PTPN23: variants seen among roughly 807,000 people sequenced by gnomAD.
PTPN23 encodes the protein tyrosine-protein phosphatase non-receptor type 23.
Under a neutral mutation model 156.3 loss-of-function variants are expected in PTPN23, and 72 were observed. The observed-to-expected ratio is 0.46, with a 90% confidence interval of 0.38 to 0.56. PTPN23 has a LOEUF of 0.56. PTPN23 is among the 20% of genes least tolerant of loss of function. The pLI, the probability that PTPN23 is intolerant of heterozygous loss-of-function variation, is 0.00. For missense variants in PTPN23, 1,974 were observed against 2,171.5 expected, an observed-to-expected ratio of 0.91 and a Z score of 1.81; for synonymous variants, 957 against 899.6, an observed-to-expected ratio of 1.06 and a Z score of -1.14.
chr3:47,408,944 A>C lies in PTPN23; in HGVS notation c.1499A>C (p.Lys500Thr), dbSNP rs1239830290. 1 of 1,614,238 alleles carries C rather than the reference A, an allele frequency of 6.2e-7. No homozygotes were observed. Among genetic ancestry groups the C allele is most frequent in the Admixed American group, 1.7e-5 (1 of 60,026 alleles). Residue 500 changes from lysine (K) to threonine (T), a missense_variant, in exon 16 of 25, where the codon AAG (lysine) becomes ACG (threonine). Coordinates refer to ENST00000265562, the MANE Select transcript of PTPN23 (RefSeq NM_015466.4). ...ELAEVRREWAKYMEVHEKASF... is the reference protein window; with the variant it reads ...ELAEVRREWATYMEVHEKASF... ...GCAGAGGTGAGGCGAGAATGGGCCA[A>C]GTACATGGAAGTCCATGAGAAGGCC...
chr3:47,397,602 A>G (rs1373873332), intron 2 of PTPN23, among the ~76,000 whole-genome samples: 1 of 152,168 alleles, frequency 6.6e-6, no homozygotes, highest in Admixed American at 6.5e-5. Context: ...ACTAGCAACT[A>G]TTGCCAGTAT....
In PTPN23 at chr3:47,396,183, A is replaced by G. The variant is rs773108627; in HGVS notation, c.125A>G (p.Asn42Ser). The G allele has an allele frequency of 3.7e-6, 6 of 1,613,264 alleles. No individual in the cohort carries two copies. The highest frequency in any genetic ancestry group is 2.2e-5 in the South Asian group (2 of 91,064). ...KNYGENPEAY[N>S]EELKKLELLR... ...TATGGAGAGAACCCAGAAGCCTACAATGAAGAACTGAAGAAGCTGGAGTTG... is the reference window on the plus strand; with the variant it reads ...TATGGAGAGAACCCAGAAGCCTACAGTGAAGAACTGAAGAAGCTGGAGTTG... The change falls in exon 2 of 25, where the codon AAT becomes AGT. Residue 42 changes from asparagine (N) to serine (S), a missense_variant. Asn to Ser is a conservative substitution (Grantham distance 46, BLOSUM62 1). Transcript: ENST00000265562.
In PTPN23 at chr3:47,413,348, G is replaced by A. The variant is rs747675096; in HGVS notation, c.*163G>A. 20 of 974,590 alleles carry A rather than the reference G, an allele frequency of 2.1e-5. No individual in the cohort carries two copies. In the South Asian group the frequency reaches 2.4e-4, roughly 12 times the overall value. 60.4% of individuals were successfully genotyped at this position (974,590 alleles called of 1,614,324 possible). A position where few individuals can be genotyped will look rare whatever the true frequency, so the allele number is the denominator to read the frequency against. ...CACCCCTGTGGGGTGGAAATGTACT[G>A]CAGGCTCTGGGTCAGGTTCTGCTCC... On this transcript the variant is annotated 3_prime_UTR_variant, in exon 25 of 25. Transcript: ENST00000265562.
intron 1 of PTPN23, among the ~76,000 whole-genome samples, chr3:47,393,876 A>G (rs999445695): frequency 6.6e-6 from 1 of 150,934 alleles, no homozygotes; most frequent in South Asian, 2.1e-4. Flanking sequence ...AGTAGCTGGG[A>G]CTACAGGCGT....
chr3:47,409,483 G>A lies in PTPN23; in HGVS notation c.1864G>A (p.Ala622Thr), dbSNP rs370196275. ...LKVYLEQNLA[A>T]QDRVLCALTE... ...GGTGTACCTGGAGCAGAACCTGGCCGCCCAGGACCGTGTCCTCTGTGCACT... is the reference window on the plus strand; with the variant it reads ...GGTGTACCTGGAGCAGAACCTGGCCACCCAGGACCGTGTCCTCTGTGCACT... The change falls in exon 18 of 25, where the codon GCC becomes ACC. Residue 622 changes from alanine (A) to threonine (T), a missense_variant. Ala to Thr is a moderately conservative substitution (Grantham distance 58). Around this residue, in one of 4 missense-constraint regions of PTPN23, gnomAD observed 726 missense variants for 929.5 expected, o/e 0.78. Coordinates refer to ENST00000265562, the MANE Select transcript of PTPN23 (RefSeq NM_015466.4). 5.0e-6 allele frequency: 8 copies of A among 1,614,118 alleles called. No individual in the cohort carries two copies. The highest frequency in any genetic ancestry group is 2.2e-5 in the East Asian group (1 of 44,886).
Position 47,406,179 on chromosome 3 carries a change from G to GCAC in PTPN23, c.546+135_546+137dup. ...GGGCCTTGGCTTTGTTGAATCAGGAGCACCGTGGTGCTGCTTGGAGTGGGG... is the reference window on the plus strand; with the variant it reads ...GGGCCTTGGCTTTGTTGAATCAGGAGCACCACCGTGGTGCTGCTTGGAGTGGGG... On this transcript the variant is annotated intron_variant, in intron 6 of 24. Coordinates refer to ENST00000265562, the MANE Select transcript of PTPN23 (RefSeq NM_015466.4). The surrounding 1 kb of genome is among the most constrained non-coding windows in gnomAD (Gnocchi z 5.8). The GCAC allele has an allele frequency of 6.7e-7, 1 of 1,482,080 alleles. No homozygotes were observed. Among genetic ancestry groups the GCAC allele is most frequent in the Non-Finnish European group, 9.1e-7 (1 of 1,093,192 alleles). 91.8% of individuals were successfully genotyped at this position (1,482,080 alleles called of 1,614,324 possible).
At position 47,381,024 on chromosome 3, in the gene PTPN23, G is replaced by C. The variant is rs1041570513; in HGVS notation, c.-73G>C. 1 of 1,547,030 alleles carries C rather than the reference G, an allele frequency of 6.5e-7. No homozygotes were observed. The highest frequency in any genetic ancestry group is 1.4e-5 in the African/African-American group (1 of 72,978). Reference sequence around the variant, plus strand: ...GTGACTTCCGGCACGAAGGGGCGGGGCTGGGCTCGTGGCTGAGCCAGCAGC... The same window carrying C: ...GTGACTTCCGGCACGAAGGGGCGGGCCTGGGCTCGTGGCTGAGCCAGCAGC... On this transcript the variant is annotated 5_prime_UTR_variant, in exon 1 of 25. Transcript: ENST00000265562.
Position 47,410,919 on chromosome 3 carries a change from C to G in PTPN23, c.3121C>G (p.Pro1041Ala), listed in dbSNP as rs138978789. Residue 1041 changes from proline (P) to alanine (A), a missense_variant, in exon 20 of 25, where the codon CCC (proline) becomes GCC (alanine). Pro to Ala is a conservative substitution (Grantham distance 27). Transcript: ENST00000265562. The part of the protein sequence containing the change: ...SGALPFPSPG[P>A]PQPPHPPLAY... ...GGCTCTGCCTTTCCCCAGCCCTGGG[C>G]CCCCTCAGCCTCCCCATCCCCCACT... is the stretch of plus-strand genomic sequence containing the variant. 34 of 1,610,518 alleles carry G rather than the reference C, an allele frequency of 2.1e-5. No homozygotes were observed. The African/African-American group carries it at 4.4e-4, about 21-fold the overall frequency.
At position 47,412,280 on chromosome 3, in the gene PTPN23, C is replaced by G; in HGVS notation, c.4179-3C>G. On this transcript the variant is annotated splice_region_variant and splice_polypyrimidine_tract_variant and intron_variant, in intron 22 of 24. Coordinates refer to ENST00000265562, the MANE Select transcript of PTPN23 (RefSeq NM_015466.4). ...CCGGCCTCATAACCCCTTCTTGGCA[C>G]AGCTCTGGTGTGGGCCGCACGGGAG... 2 of 1,613,058 alleles carry G rather than the reference C, an allele frequency of 1.2e-6. No individual in the cohort carries two copies. Among genetic ancestry groups the G allele is most frequent in the Non-Finnish European group, 1.7e-6 (2 of 1,179,626 alleles).
chr3:47,388,648 G>T (rs1704702938), intron 1 of PTPN23, among the ~76,000 whole-genome samples: 2 of 148,716 alleles, frequency 1.3e-5, no homozygotes, highest in African/African-American at 2.5e-5. Flanking sequence ...ACCCTGTTTT[G>T]CTGTCACTAC....
chr3:47,396,958 G>C (rs546811999), intron 2 of PTPN23, among the ~76,000 whole-genome samples: 1 of 152,258 alleles, frequency 6.6e-6, no homozygotes, highest in East Asian at 1.9e-4. Flanking sequence ...AGTGAAAGAT[G>C]TGTGACTCTT....
intron 1 of PTPN23, among the ~76,000 whole-genome samples, chr3:47,383,022 G>A (rs563009244): frequency 4.6e-5 from 7 of 152,038 alleles, no homozygotes; most frequent in East Asian, 1.9e-4. Context: ...AATAGATCCG[G>A]TATCTTTTTT....
chr3:47,404,301 G>T (rs1299798668), intron 2 of PTPN23, among the ~76,000 whole-genome samples: 1 of 151,992 alleles, frequency 6.6e-6, no homozygotes, highest in African/African-American at 2.4e-5. Context: ...GCATGGTGGC[G>T]TGTGCCTGTA....
In PTPN23 at chr3:47,405,317, C is replaced by G; in HGVS notation, c.364+236C>G. 2 of 579,266 alleles carry G rather than the reference C, an allele frequency of 3.5e-6. No homozygotes were observed. The highest frequency in any genetic ancestry group is 6.0e-5 in the Admixed American group (2 of 33,404). 35.9% of individuals were successfully genotyped at this position (579,266 alleles called of 1,614,324 possible). On this transcript the variant is annotated intron_variant, in intron 4 of 24. Coordinates refer to ENST00000265562, the MANE Select transcript of PTPN23 (RefSeq NM_015466.4). This position sits in a 1 kb window ranked among gnomAD's most constrained non-coding sequence, Gnocchi z 4.7. ...GGCTGGCTGCCACACAGAGTTGCCA[C>G]TGTGTGCTCTGTCTGGGAGAGAGGG...
chr3:47,406,818 C>T lies in PTPN23; in HGVS notation c.807+68C>T. The T allele has an allele frequency of 1.9e-6, 3 of 1,582,764 alleles. No individual in the cohort carries two copies. Among genetic ancestry groups the T allele is most frequent in the Non-Finnish European group, 2.6e-6 (3 of 1,159,286 alleles). On this transcript the variant is annotated intron_variant, in intron 9 of 24. Transcript: ENST00000265562. The surrounding 1 kb of genome is among the most constrained non-coding windows in gnomAD (Gnocchi z 5.8). Reference sequence around the variant, plus strand: ...TCAGTGAGATGCCGGTGTGCTCCCGCTCCTTACACACCAGGGGGTGGCCTT... The same window carrying T: ...TCAGTGAGATGCCGGTGTGCTCCCGTTCCTTACACACCAGGGGGTGGCCTT...
chr3:47,409,643 T>C lies in PTPN23; in HGVS notation c.1950-12T>C. ...CCATGGTTCACCTGGAGCTGGCCCT[T>C]CTGCCCACCAGGTGGAACTCCACGC... is the stretch of plus-strand genomic sequence containing the variant. On this transcript the variant is annotated splice_polypyrimidine_tract_variant and intron_variant, in intron 18 of 24. Transcript: ENST00000265562. 6.2e-7 allele frequency: 1 copy of C among 1,612,706 alleles called. No individual in the cohort carries two copies. The highest frequency in any genetic ancestry group is 8.5e-7 in the Non-Finnish European group (1 of 1,179,540).
Position 47,408,338 on chromosome 3 carries a change from C to T in PTPN23, c.1185-7C>T. The stretch of plus-strand genomic sequence containing the variant: ...CAGCACCCACCTGGCCCTGTTGCTC[C>T]CCACAGCCAGTTCATGGATTCAATG... On this transcript the variant is annotated splice_region_variant and splice_polypyrimidine_tract_variant and intron_variant, in intron 14 of 24. Coordinates refer to ENST00000265562, the MANE Select transcript of PTPN23 (RefSeq NM_015466.4). The T allele has an allele frequency of 6.2e-7, 1 of 1,612,880 alleles. No homozygotes were observed.
In PTPN23 at chr3:47,405,372, C is replaced by T; in HGVS notation, c.364+291C>T. ...TCTTCTTTGACTGGACAGCCCCTCC[C>T]CACTGTGGTTTTGGGCTGCTTCAGG... On this transcript the variant is annotated intron_variant, in intron 4 of 24. Transcript: ENST00000265562. This position sits in a 1 kb window ranked among gnomAD's most constrained non-coding sequence, Gnocchi z 4.7. The T allele has an allele frequency of 1.8e-6, 1 of 541,844 alleles. No homozygotes were observed. The allele number at this position is 541,844 out of a possible 1,614,324, so 33.6% of individuals were successfully genotyped here. A position where few individuals can be genotyped will look rare whatever the true frequency, so the allele number is the denominator to read the frequency against.
Position 47,395,959 on chromosome 3 carries a change from C to G in PTPN23, c.85-184C>G, listed in dbSNP as rs900693. Among the ~76,000 whole-genome samples, 17 of 152,212 alleles carry G rather than the reference C, an allele frequency of 1.1e-4. No homozygotes were observed. The East Asian group carries it at 1.9e-3, about 17-fold the overall frequency. On this transcript the variant is annotated intron_variant, in intron 1 of 24. Transcript: ENST00000265562. Reference sequence around the variant, plus strand: ...CTGCCAGAGTGTTGGTGCAGGGTCACGGCTCTCGTGGTCAGCATTTTGGTG... The same window carrying G: ...CTGCCAGAGTGTTGGTGCAGGGTCAGGGCTCTCGTGGTCAGCATTTTGGTG...
Sources: allele counts gnomAD v4.1 joint callset (sites outside exome capture counted in the v4.1 genomes callset), GRCh38; gene constraint gnomAD v4.1.1; regional missense constraint gnomAD v4.1.1; non-coding constraint Gnocchi (gnomAD v3.1); transcripts MANE v1.5; gene names NCBI Gene and HGNC (gene_info 2026-07-23, HGNC 2026-07-21).